PALLD: variants seen among roughly 807,000 people sequenced by gnomAD.
The protein encoded by PALLD is palladin.
In PALLD, 61 loss-of-function variants were observed where a neutral mutation model predicts 123.5. The ratio of observed to expected loss-of-function variants is 0.49; its 90% CI spans 0.40 to 0.61. The LOEUF (loss-of-function observed/expected upper bound fraction) is 0.61. Among genes scored for constraint, PALLD ranks in the 20% least tolerant of loss-of-function variants. The pLI is 0.00. For missense variants in PALLD, 1,273 were observed against 1,377.0 expected, an observed-to-expected ratio of 0.92 and a Z score of 1.20; for synonymous variants, 465 against 496.4, an observed-to-expected ratio of 0.94 and a Z score of 0.84.
intron 2 of PALLD, among the ~76,000 whole-genome samples, chr4:168,623,048 C>T (rs888437783): frequency 3.3e-5 from 5 of 152,174 alleles, no homozygotes; most frequent in African/African-American, 1.2e-4. Context: ...GTCCTTTGAG[C>T]CTTAGAAAAT....
Position 168,711,597 on chromosome 4 carries a change from T to C in PALLD, c.1638T>C (p.Cys546=). 2 of 1,613,576 alleles carry C rather than the reference T, an allele frequency of 1.2e-6. No individual in the cohort carries two copies. The highest frequency in any genetic ancestry group is 1.7e-6 in the Non-Finnish European group (2 of 1,179,464). Residue 546 remains cysteine (C), a synonymous_variant, in exon 10 of 22, where the codon TGT becomes TGC. Transcript: ENST00000505667. Reference sequence around the variant, plus strand: ...CTTCCTTAGCCAACACTGAAAACTGTAGTTACGAGTCAATGGGAGAATCCA... The same window carrying C: ...CTTCCTTAGCCAACACTGAAAACTGCAGTTACGAGTCAATGGGAGAATCCA... ...LVVTSANTEN[C]SYESMGESNN...
intron 2 of PALLD, among the ~76,000 whole-genome samples, chr4:168,564,230 T>C (rs1388643932): frequency 2.6e-5 from 4 of 152,334 alleles, no homozygotes; most frequent in East Asian, 1.9e-4. Flanking sequence ...GTTCAAATGT[T>C]AATAAAGCCA....
chr4:168,562,368 G>A (rs1374358540), intron 2 of PALLD, among the ~76,000 whole-genome samples: 1 of 152,196 alleles, frequency 6.6e-6, no homozygotes, highest in Non-Finnish European at 1.5e-5. Flanking sequence ...CATTAAAGAA[G>A]TTCAGGAGTA....
intron 10 of PALLD, among the ~76,000 whole-genome samples, chr4:168,734,761 GAGA>G (rs1003881134): frequency 5.3e-5 from 8 of 152,108 alleles, no homozygotes; most frequent in Non-Finnish European, 8.8e-5. Context: ...CTGAAAAGGA[GAGA>G]AGGAGGAGGA....
intron 2 of PALLD, among the ~76,000 whole-genome samples, chr4:168,544,912 C>T (rs1341042778): frequency 1.3e-5 from 2 of 152,172 alleles, no homozygotes; most frequent in African/African-American, 4.8e-5. Context: ...TTGTGGGTCT[C>T]TTGGGACACA....
intron 1 of PALLD, chr4:168,504,856 G>A (rs182916376): frequency 1.6e-4 from 24 of 152,232 alleles, no homozygotes; most frequent in African/African-American, 4.6e-4. Context: ...CTTTAATGGC[G>A]TTGGTGTTTA....
At chr4:168,865,581 A>C (rs1750146930) in intron 10 of PALLD, among the ~76,000 whole-genome samples, 1 of 152,218 alleles carries the variant, frequency 6.6e-6, no homozygotes, top group Admixed American at 6.5e-5. Flanking sequence ...AAAAATGTTT[A>C]GTTCTTCAGT....
intron 10 of PALLD, among the ~76,000 whole-genome samples, chr4:168,784,214 T>G: frequency 6.6e-6 from 1 of 151,762 alleles, no homozygotes; most frequent in East Asian, 1.9e-4. Flanking sequence ...GTAAAAGTGG[T>G]CCCAGCCGCT....
At chr4:168,879,084 C>T (rs550968278) in intron 10 of PALLD, among the ~76,000 whole-genome samples, 1 of 152,182 alleles carries the variant, frequency 6.6e-6, no homozygotes, top group Admixed American at 6.5e-5. Context: ...GTGTATGCAA[C>T]CTAGTGGAGA....
intron 18 of PALLD, among the ~76,000 whole-genome samples, chr4:168,923,790 C>T (rs896177795): frequency 6.6e-6 from 1 of 152,108 alleles, no homozygotes; most frequent in South Asian, 2.1e-4. Context: ...TTAAGAGTTA[C>T]AAATATTCAG....
At chr4:168,851,662 T>C (rs940241050) in intron 10 of PALLD, among the ~76,000 whole-genome samples, 1 of 152,200 alleles carries the variant, frequency 6.6e-6, no homozygotes, top group African/African-American at 2.4e-5. Context: ...GCCCCACGCC[T>C]GGCTGAAACC....
At chr4:168,818,265 C>CT (rs368840528) in intron 10 of PALLD, among the ~76,000 whole-genome samples, 124 of 146,412 alleles carry the variant, frequency 8.5e-4, no homozygotes, top group Middle Eastern at 3.6e-3. Flanking sequence ...CACTAGTTGA[C>CT]TTTTTTTTTT....
chr4:168,925,229 G>C lies in PALLD; in HGVS notation c.3359-4G>C, dbSNP rs112116419. On this transcript the variant is annotated splice_region_variant and splice_polypyrimidine_tract_variant and intron_variant, in intron 20 of 21. Coordinates refer to ENST00000505667, the MANE Select transcript of PALLD (RefSeq NM_001166108.2). The stretch of plus-strand genomic sequence containing the variant: ...TATTGCTCTCTCTCTCTTTCTATTT[G>C]TAGTTTCTCGACATTAATAGTGAAC... The C allele has an allele frequency of 8.7e-6, 14 of 1,605,476 alleles. No individual in the cohort carries two copies. The highest frequency in any genetic ancestry group is 1.2e-5 in the Non-Finnish European group (14 of 1,172,346).
chr4:168,725,649 C>T, intron 10 of PALLD, among the ~76,000 whole-genome samples: 1 of 150,518 alleles, frequency 6.6e-6, no homozygotes, highest in Admixed American at 6.7e-5. Context: ...GCCTCAGCCT[C>T]CCGAGTAGCT....
intron 2 of PALLD, among the ~76,000 whole-genome samples, chr4:168,529,102 T>C (rs1764350806): frequency 6.6e-6 from 1 of 152,124 alleles, no homozygotes; most frequent in Non-Finnish European, 1.5e-5. Flanking sequence ...ATTCCAGCAC[T>C]TTGGGAGGCT....
rs987008205 is a variant in PALLD, at chr4:168,869,609, T to C, written c.1965-21313T>C. ...ACTTAGAAGAATGAAAAGGTAGAGA[T>C]ACAGCAGCATTAGTTGGAGATAAGA... On this transcript the variant is annotated intron_variant, in intron 10 of 21. Transcript: ENST00000505667. This position sits in a 1 kb window ranked among gnomAD's most constrained non-coding sequence, Gnocchi z 4.5. Among the ~76,000 whole-genome samples the C allele has an allele frequency of 8.5e-5, 13 of 152,172 alleles. No homozygotes were observed. Among genetic ancestry groups the C allele is most frequent in the African/African-American group, 2.9e-4 (12 of 41,432 alleles).
chr4:168,914,941 A>G (rs1028912564), intron 16 of PALLD, among the ~76,000 whole-genome samples: 1 of 152,186 alleles, frequency 6.6e-6, no homozygotes, highest in Non-Finnish European at 1.5e-5. Flanking sequence ...GGCAATACCT[A>G]TTCACAGGAT....
At chr4:168,568,493 G>A (rs573429567) in intron 2 of PALLD, among the ~76,000 whole-genome samples, 1 of 151,970 alleles carries the variant, frequency 6.6e-6, no homozygotes, top group South Asian at 2.1e-4. Context: ...AAAAAATAGG[G>A]TATTTCTCTA....
intron 2 of PALLD, among the ~76,000 whole-genome samples, chr4:168,632,157 G>A (rs1775892343): frequency 6.6e-6 from 1 of 151,674 alleles, no homozygotes; most frequent in Non-Finnish European, 1.5e-5. Context: ...AAAGGCGTGA[G>A]GTTGAATAAT....
Sources: allele counts gnomAD v4.1 joint callset (sites outside exome capture counted in the v4.1 genomes callset), GRCh38; gene constraint gnomAD v4.1.1; non-coding constraint Gnocchi (gnomAD v3.1); transcripts MANE v1.5; gene names NCBI Gene and HGNC (gene_info 2026-07-23, HGNC 2026-07-21).